DCAF6: variants seen among roughly 807,000 people sequenced by gnomAD.
DCAF6 encodes the protein DDB1- and CUL4-associated factor 6.
DCAF6 carries 54 observed loss-of-function variants against 125.1 expected under a neutral mutation model. That is an observed-to-expected ratio of 0.43 (90% confidence interval 0.35 to 0.54). The LOEUF (loss-of-function observed/expected upper bound fraction) is 0.54. Ranked by LOEUF, DCAF6 falls within the 20% of genes least tolerant of loss-of-function variation. DCAF6 has a pLI of 0.01. For synonymous variants in DCAF6, 371 were observed against 390.4 expected, an observed-to-expected ratio of 0.95 and a Z score of 0.58; for missense variants, 934 against 1,161.7, an observed-to-expected ratio of 0.80 and a Z score of 2.85.
chr1:167,910,193 C>T, the DCAF6 span, among the ~76,000 whole-genome samples: 2 of 152,148 alleles, frequency 1.3e-5, no homozygotes, highest in Non-Finnish European at 2.9e-5. Flanking sequence ...ACAATGGTAT[C>T]TGTGGTTTTG....
chr1:168,059,480 G>A (rs1691314133), intron 17 of DCAF6, among the ~76,000 whole-genome samples: 1 of 152,054 alleles, frequency 6.6e-6, no homozygotes, highest in Admixed American at 6.5e-5. Context: ...ATTTTTAGAA[G>A]GATCTTGGCT....
intron 11 of DCAF6, among the ~76,000 whole-genome samples, chr1:168,020,740 GTTA>G (rs1685568478): frequency 6.6e-6 from 1 of 152,026 alleles, no homozygotes; most frequent in Admixed American, 6.5e-5. Context: ...TATTCTAATG[GTTA>G]TTATGTTAAT....
At chr1:167,994,647 T>C (rs1042268509) in intron 7 of DCAF6, among the ~76,000 whole-genome samples, 1 of 152,212 alleles carries the variant, frequency 6.6e-6, no homozygotes, top group East Asian at 1.9e-4. Flanking sequence ...AGGGGAAAAG[T>C]AGAAATAAGG....
At position 168,068,498 on chromosome 1, in the gene DCAF6, T is replaced by C. The variant is rs1692626881; in HGVS notation, c.2791+35T>C. The C allele has an allele frequency of 3.7e-6, 4 of 1,080,972 alleles. No individual in the cohort carries two copies. The African/African-American group carries it at 6.7e-5, about 18-fold the overall frequency. The allele number at this position is 1,080,972 out of a possible 1,614,324, so 67.0% of individuals were successfully genotyped here. ...TTAAGTATACTACTAAAACCATTTT[T>C]ATATTTGAAAATATATTATTATTTA... On this transcript the variant is annotated intron_variant, in intron 21 of 21. Transcript: ENST00000367840.
chr1:167,941,013 G>T (rs1243083259), intron 1 of DCAF6, among the ~76,000 whole-genome samples: 3 of 151,958 alleles, frequency 2.0e-5, no homozygotes, highest in African/African-American at 7.3e-5. Flanking sequence ...TTACTCTTTA[G>T]TGCATCTTGA....
intron 6 of DCAF6, among the ~76,000 whole-genome samples, chr1:167,992,973 A>G (rs1398092982): frequency 6.6e-6 from 1 of 152,184 alleles, no homozygotes; most frequent in East Asian, 1.9e-4. Flanking sequence ...ACTCATTTCA[A>G]CAAAGCATAC....
the DCAF6 span, among the ~76,000 whole-genome samples, chr1:167,914,819 C>A: frequency 6.6e-6 from 1 of 152,186 alleles, no homozygotes; most frequent in East Asian, 1.9e-4. Flanking sequence ...ATTTAAAAAG[C>A]TGTACATGTT....
chr1:167,985,207 GT>G (rs1282657233), intron 4 of DCAF6, among the ~76,000 whole-genome samples: 13 of 147,064 alleles, frequency 8.8e-5, no homozygotes, highest in Non-Finnish European at 1.2e-4. Context: ...GTGTGTGTGT[GT>G]GTGGTGTGTG....
chr1:168,011,014 A>G (rs1181537850), intron 10 of DCAF6, among the ~76,000 whole-genome samples: 1 of 152,040 alleles, frequency 6.6e-6, no homozygotes, highest in Non-Finnish European at 1.5e-5. Context: ...ATATCAGTAT[A>G]TATAAAATTC....
intron 4 of DCAF6, among the ~76,000 whole-genome samples, chr1:167,984,612 A>G (rs1038390645): frequency 4.6e-5 from 7 of 152,224 alleles, no homozygotes; most frequent in Non-Finnish European, 8.8e-5. Flanking sequence ...AAATAGTTTC[A>G]TAAGTAAACT....
chr1:168,028,761 A>G (rs892774121), intron 12 of DCAF6, among the ~76,000 whole-genome samples: 3 of 152,184 alleles, frequency 2.0e-5, no homozygotes, highest in Admixed American at 1.3e-4. Flanking sequence ...ATTATATACT[A>G]TCACCAAATT....
chr1:167,868,053 G>C, the DCAF6 span, among the ~76,000 whole-genome samples: 5,386 of 152,248 alleles, frequency 0.035, 296 homozygotes, highest in African/African-American at 0.12. Flanking sequence ...CTAGATCCTA[G>C]AGTAAATACC....
chr1:168,013,397 T>C (rs1176427136), intron 10 of DCAF6, among the ~76,000 whole-genome samples: 1 of 152,254 alleles, frequency 6.6e-6, no homozygotes, highest in Non-Finnish European at 1.5e-5. Flanking sequence ...CCAAATTTTT[T>C]ACTCTTAGTA....
chr1:167,986,357 ATAT>A (rs1208105170), intron 4 of DCAF6, among the ~76,000 whole-genome samples: 8 of 152,130 alleles, frequency 5.3e-5, no homozygotes, highest in African/African-American at 1.9e-4. Flanking sequence ...TCAACACTTG[ATAT>A]TATAAGTCTT....
intron 2 of DCAF6, among the ~76,000 whole-genome samples, chr1:167,957,447 A>G (rs115447175): frequency 0.013 from 1,928 of 152,190 alleles, 41 homozygotes; most frequent in African/African-American, 0.045. Flanking sequence ...ATTCCTTTTT[A>G]TGATTGAATA....
intron 21 of DCAF6, among the ~76,000 whole-genome samples, chr1:168,072,322 A>AAAAAAG (rs1553253848): frequency 3.8e-4 from 55 of 145,432 alleles, no homozygotes; most frequent in African/African-American, 1.4e-3. Context: ...AAAAAAAAAA[A>AAAAAAG]AAAGAAAAGA....
intron 10 of DCAF6, among the ~76,000 whole-genome samples, chr1:168,014,415 T>C (rs544370907): frequency 2.0e-5 from 3 of 152,368 alleles, no homozygotes; most frequent in African/African-American, 7.2e-5. Context: ...TTCTAGAGGT[T>C]CTTTTTCCTC....
At chr1:167,878,566 G>A in the DCAF6 span, 1 of 1,614,178 alleles carries the variant, frequency 6.2e-7, no homozygotes, top group South Asian at 1.1e-5. Flanking sequence ...GTAGGTGACA[G>A]AGTCGCAGGT....
intron 16 of DCAF6, among the ~76,000 whole-genome samples, chr1:168,047,780 A>G (rs1457627889): frequency 6.6e-6 from 1 of 151,996 alleles, no homozygotes; most frequent in East Asian, 1.9e-4. Context: ...AATTACATTA[A>G]TTTTCCTTTG....
Sources: allele counts gnomAD v4.1 joint callset (sites outside exome capture counted in the v4.1 genomes callset), GRCh38; gene constraint gnomAD v4.1.1; transcripts MANE v1.5; gene names NCBI Gene and HGNC (gene_info 2026-07-23, HGNC 2026-07-21).